Variants in STAR observed in about 807,000 individuals in gnomAD.
STAR encodes the protein steroidogenic acute regulatory protein, mitochondrial.
A neutral mutation model predicts 32.3 loss-of-function variants in STAR; 32 were observed. That is an observed-to-expected ratio of 0.99 (90% CI 0.75 to 1.33). STAR has a LOEUF of 1.33. Ranked by LOEUF, STAR falls within the 40% of genes most tolerant of loss-of-function variation. STAR has a pLI of 0.00. For missense variants in STAR, 375 were observed against 379.0 expected, an observed-to-expected ratio of 0.99 and a Z score of 0.09; for synonymous variants, 134 against 140.5, an observed-to-expected ratio of 0.95 and a Z score of 0.33.
At position 38,146,126 on chromosome 8, in the gene STAR, CTT is replaced by C; in HGVS notation, c.485_486del (p.Lys162ArgfsTer21). On this transcript the variant is annotated frameshift_variant, in exon 5 of 7. Coordinates refer to ENST00000276449, the MANE Select transcript of STAR (RefSeq NM_000349.3). LOFTEE classifies it high-confidence loss of function. ...GCCAGCTCGTGAGTAATGAATGTAT[CTT>C]TTCCGATCTTCTGCAGGACCTACCA... ...KEIKVLQKIG[K>X]DTFITHELAA... 6.2e-7 allele frequency: 1 copy of C among 1,614,048 alleles called. No homozygotes were observed. Among genetic ancestry groups the C allele is most frequent in the Non-Finnish European group, 8.5e-7 (1 of 1,179,944 alleles).
At chr8:38,145,812 T>G (rs934639676) in intron 5 of STAR, 151 bp downstream of exon 5, 4 of 968,670 alleles carry the variant, frequency 4.1e-6, no homozygotes, top group Non-Finnish European at 6.2e-6. Flanking sequence ...TTGTCCCTCC[T>G]TTGGTAAATA....
At chr8:38,145,680 TCC>T (rs1194280870) in intron 5 of STAR, 1 of 571,774 alleles carries the variant, frequency 1.7e-6, no homozygotes, top group Admixed American at 3.0e-5. Context: ...TTACAGCTGT[TCC>T]TGAGCGTACC....
intron 1 of STAR, chr8:38,148,990 C>T (rs542577118): frequency 8.6e-5 from 47 of 546,304 alleles, no homozygotes; most frequent in Non-Finnish European, 1.5e-4. Flanking sequence ...CTGGCCCTGC[C>T]TGGAGATGGG....
Position 38,146,070 on chromosome 8 carries a change from G to C in STAR, c.543C>G (p.Pro181=), listed in dbSNP as rs1300807840. 4 of 1,614,230 alleles carry C rather than the reference G, an allele frequency of 2.5e-6. No individual in the cohort carries two copies. The East Asian group carries it at 8.9e-5, about 36-fold the overall frequency. ...CACAGCGCACGCTCACAAAGTCACG[G>C]GGCCCCACCAGGTTTCCTGCTGCCT... ...AAEAAGNLVG[P]RDFVSVRCAK... is the part of the protein sequence containing the mutation. Residue 181 remains proline (P), a synonymous_variant, in exon 5 of 7, where the codon CCC becomes CCG. Transcript: ENST00000276449.
chr8:38,145,472 T>C (rs1384024244), intron 5 of STAR, 157 bp from the exon 6 acceptor site: 1 of 977,926 alleles, frequency 1.0e-6, no homozygotes, highest in Non-Finnish European at 1.6e-6. Flanking sequence ...TATTTGGCAG[T>C]TGGCACAGTT....
chr8:38,148,642 G>T lies in STAR; in HGVS notation c.177C>A (p.Leu59=), dbSNP rs142910480. ...GAGCCCAGAAGCCTCAGCACTTACC[G>T]AGTAGAGAGCTCCGCCGCCGAACCT... The part of the protein sequence containing the change: ...INQVRRRSSL[L]GSRLEETLYS... The change falls in exon 2 of 7, where the codon CTC becomes CTA. Residue 59 remains leucine (L), a splice_region_variant and synonymous_variant. Transcript: ENST00000276449. 2 of 1,613,850 alleles carry T rather than the reference G, an allele frequency of 1.2e-6. No homozygotes were observed. The highest frequency in any genetic ancestry group is 2.2e-5 in the East Asian group (1 of 44,884).
At position 38,145,318 on chromosome 8, in the gene STAR, G is replaced by C; in HGVS notation, c.651-3C>G. Reference sequence around the variant, plus strand: ...TGCAAGTGGGACCGTGCTCCGCCCTGGCAAATGGAGAAGTCAAGTCAGGAG... The same window carrying C: ...TGCAAGTGGGACCGTGCTCCGCCCTCGCAAATGGAGAAGTCAAGTCAGGAG... On this transcript the variant is annotated splice_region_variant and splice_polypyrimidine_tract_variant and intron_variant, in intron 5 of 6. Coordinates refer to ENST00000276449, the MANE Select transcript of STAR (RefSeq NM_000349.3). The C allele has an allele frequency of 6.2e-7, 1 of 1,614,082 alleles. No individual in the cohort carries two copies. Among genetic ancestry groups the C allele is most frequent in the South Asian group, 1.1e-5 (1 of 91,090 alleles).
At chr8:38,150,561 A>G (rs1224269688) in intron 1 of STAR, among the ~76,000 whole-genome samples, 194 bp downstream of exon 1, 1 of 152,156 alleles carries the variant, frequency 6.6e-6, no homozygotes, top group East Asian at 1.9e-4. Flanking sequence ...GAGACCAGAA[A>G]TTATAGAATC....
In STAR at chr8:38,146,357, G is replaced by C; in HGVS notation, c.397C>G (p.Leu133Val). 6.2e-7 allele frequency: 1 copy of C among 1,614,130 alleles called. No homozygotes were observed. Among genetic ancestry groups the C allele is most frequent in the Non-Finnish European group, 8.5e-7 (1 of 1,180,042 alleles). The change falls in exon 4 of 7, where the codon CTC becomes GTC. Residue 133 changes from leucine to valine, a missense_variant. Physicochemically the swap from Leu to Val is conservative, Grantham distance 32. Coordinates refer to ENST00000276449, the MANE Select transcript of STAR (RefSeq NM_000349.3). Reference sequence around the variant, plus strand: ...ATGCGCTCCACGAGCTCTTCATAGAGCCTCTCCATGGGCTGGTCCACCACG... The same window carrying C: ...ATGCGCTCCACGAGCTCTTCATAGACCCTCTCCATGGGCTGGTCCACCACG... ...EVVVDQPMER[L>V]YEELVERMEA...
At position 38,144,474 on chromosome 8, in the gene STAR, G is replaced by T. The variant is rs1035324383; in HGVS notation, c.745-88C>A. On this transcript the variant is annotated intron_variant, in intron 6 of 6. Coordinates refer to ENST00000276449, the MANE Select transcript of STAR (RefSeq NM_000349.3). Reference sequence around the variant, plus strand: ...CCCTATCACAAACAGGCTGCCAGGGGCTTGGTCTTCGAGCTCTGTTAATAG... The same window carrying T: ...CCCTATCACAAACAGGCTGCCAGGGTCTTGGTCTTCGAGCTCTGTTAATAG... The T allele has an allele frequency of 2.7e-5, 42 of 1,537,526 alleles. 1 individual carries two copies. In the South Asian group the frequency reaches 4.6e-4, roughly 17 times the overall value.
At position 38,146,284 on chromosome 8, in the gene STAR, C is replaced by T. The variant is rs1286258661; in HGVS notation, c.465+5G>A. ...CCCTGCCACCTGCACCTGGACTTTG[C>T]TCACCTTGATCTCCTTGACATTGGG... On this transcript the variant is annotated splice_donor_5th_base_variant and intron_variant, in intron 4 of 6. Transcript: ENST00000276449. 1.2e-6 allele frequency: 2 copies of T among 1,613,966 alleles called. No homozygotes were observed. The highest frequency in any genetic ancestry group is 1.7e-5 in the Admixed American group (1 of 60,002).
intron 5 of STAR, 25 bp downstream of exon 5, chr8:38,145,938 G>T (rs1802561632): frequency 2.5e-6 from 4 of 1,612,488 alleles, no homozygotes; most frequent in African/African-American, 1.3e-5. Context: ...GAAGAGGGGG[G>T]TTTGGAGCCT....
intron 5 of STAR, 108 bp downstream of exon 5, chr8:38,145,847 CCATGGGTG>C: frequency 2.3e-6 from 3 of 1,303,708 alleles, no homozygotes; most frequent in Non-Finnish European, 3.3e-6. Context: ...TAGAAGGAAG[CCATGGGTG>C]CACCAAGGGT....
chr8:38,148,417 T>C (rs1802612946), intron 2 of STAR, 90 bp from the exon 3 acceptor site: 3 of 1,583,204 alleles, frequency 1.9e-6, no homozygotes, highest in Admixed American at 1.8e-5. Context: ...TGCTCATTGC[T>C]CTGAAGAGCC....
chr8:38,145,767 G>A (rs1460933835), intron 5 of STAR, 196 bp downstream of exon 5: 1 of 679,188 alleles, frequency 1.5e-6, no homozygotes, highest in East Asian at 2.7e-5. Context: ...GTCATGACAA[G>A]CTGTCTGGCT....
At position 38,147,241 on chromosome 8, in the gene STAR, G is replaced by A. The variant is rs72563158; in HGVS notation, c.307-794C>T. On this transcript the variant is annotated intron_variant, in intron 3 of 6. Coordinates refer to ENST00000276449, the MANE Select transcript of STAR (RefSeq NM_000349.3). Reference sequence around the variant, plus strand: ...AGGCTCAAGCAATTCTCCAGTCTCGGCCTCCAGGCGTAAGCCACTGCACCC... The same window carrying A: ...AGGCTCAAGCAATTCTCCAGTCTCGACCTCCAGGCGTAAGCCACTGCACCC... 5.3e-3 allele frequency among the ~76,000 whole-genome samples: 806 copies of A among 151,852 alleles called. 5 individuals carry two copies. The highest frequency in any genetic ancestry group is 0.01 in the Middle Eastern group (3 of 294).
chr8:38,148,604 C>T, intron 2 of STAR, 37 bp downstream of exon 2: 1 of 1,581,520 alleles, frequency 6.3e-7, no homozygotes, highest in African/African-American at 1.3e-5. Flanking sequence ...GAACCTCCTG[C>T]CAGCAGCACC....
chr8:38,145,110 C>A, intron 6 of STAR, 112 bp downstream of exon 6: 1 of 1,556,308 alleles, frequency 6.4e-7, no homozygotes, highest in Non-Finnish European at 8.7e-7. Flanking sequence ...GTCTTACAGC[C>A]TGTGATTCTA....
intron 6 of STAR, 113 bp downstream of exon 6, chr8:38,145,109 C>T (rs1802543301): frequency 1.3e-6 from 2 of 1,555,996 alleles, no homozygotes; most frequent in Non-Finnish European, 1.7e-6. Flanking sequence ...TGTCTTACAG[C>T]CTGTGATTCT....
Sources: gnomAD v4.1 joint callset for allele counts (sites outside exome capture counted in the v4.1 genomes callset) on GRCh38, gnomAD v4.1.1 for gene constraint, MANE v1.5 for transcripts, NCBI Gene and HGNC (gene_info 2026-07-23, HGNC 2026-07-21) for gene names.